The following CREB3L1 variants were observed in gnomAD, a reference collection of about 807,000 sequenced individuals.
CREB3L1 encodes cyclic AMP-responsive element-binding protein 3-like protein 1.
Under a neutral mutation model 54.5 loss-of-function variants are expected in CREB3L1, and 33 were observed. That is an observed-to-expected ratio of 0.61 (90% CI 0.46 to 0.81). The LOEUF is 0.81. Among genes scored for constraint, CREB3L1 ranks in the 30% least tolerant of loss-of-function variants. The pLI is 0.00. For missense variants in CREB3L1, 656 were observed against 673.3 expected, an observed-to-expected ratio of 0.97 and a Z score of 0.29; for synonymous variants, 284 against 286.4, an observed-to-expected ratio of 0.99 and a Z score of 0.08.
intron 1 of CREB3L1, among the ~76,000 whole-genome samples, chr11:46,279,453 C>T (rs1268309789): frequency 2.0e-5 from 3 of 152,138 alleles, no homozygotes; most frequent in Non-Finnish European, 4.4e-5. Flanking sequence ...AGGCCCCTGT[C>T]CCAGGCAGAG....
chr11:46,311,297 C>T, intron 5 of CREB3L1, 108 bp downstream of exon 5: 1 of 1,329,154 alleles, frequency 7.5e-7, no homozygotes, highest in South Asian at 1.8e-5. Flanking sequence ...TGATCCCCAC[C>T]CTCATCAGAA....
At chr11:46,299,183 G>A (rs1214523027) in intron 1 of CREB3L1, among the ~76,000 whole-genome samples, 8 of 150,410 alleles carry the variant, frequency 5.3e-5, no homozygotes, top group African/African-American at 9.8e-5. Flanking sequence ...AATTCTGGTC[G>A]TGACCCACTA....
rs755341231 is a variant in CREB3L1, at chr11:46,317,465, C to T, written c.1236C>T (p.Asp412=). The T allele has an allele frequency of 7.4e-6, 12 of 1,611,398 alleles. No homozygotes were observed. Among genetic ancestry groups the T allele is most frequent in the Middle Eastern group, 1.6e-4 (1 of 6,062 alleles). Residue 412 remains aspartate (D), a synonymous_variant, in exon 10 of 12, where the codon GAC becomes GAT. Coordinates refer to ENST00000621158, the MANE Select transcript of CREB3L1 (RefSeq NM_052854.4). The stretch of plus-strand genomic sequence containing the variant: ...TGAAGGAAGACCCCCTGGCCGCAGA[C>T]GGCGTCTACACGGCCAGCCAGAGTG... ...QTVKEDPLAA[D]GVYTASQMPS...
At chr11:46,296,810 C>T (rs768328450) in intron 1 of CREB3L1, among the ~76,000 whole-genome samples, 3 of 152,162 alleles carry the variant, frequency 2.0e-5, no homozygotes. Context: ...AAGCTCCATC[C>T]TGCTGGGTTT....
chr11:46,312,392 GC>G lies in CREB3L1; in HGVS notation c.822del (p.Tyr275ThrfsTer17). 1 of 1,613,682 alleles carries G rather than the reference GC, an allele frequency of 6.2e-7. No individual in the cohort carries two copies. The highest frequency in any genetic ancestry group is 8.5e-7 in the Non-Finnish European group (1 of 1,179,752). ...GAGAAGCGGACCCTGATTGCTGAGGGCTACCCCATCCCCACAAAACTCCCCC... is the reference window on the plus strand; with the variant it reads ...GAGAAGCGGACCCTGATTGCTGAGGGTACCCCATCCCCACAAAACTCCCCC... ...EEEKRTLIAE[G>X]YPIPTKLPLT... On this transcript the variant is annotated frameshift_variant, in exon 6 of 12. Transcript: ENST00000621158. LOFTEE classifies it high-confidence loss of function.
intron 1 of CREB3L1, among the ~76,000 whole-genome samples, chr11:46,299,164 T>C (rs1297031546): frequency 6.6e-6 from 1 of 152,194 alleles, no homozygotes; most frequent in Non-Finnish European, 1.5e-5. Context: ...CTGTTTTATT[T>C]TTACTTAAAA....
At chr11:46,308,984 G>T (rs1440472219) in intron 3 of CREB3L1, among the ~76,000 whole-genome samples, 1 of 152,228 alleles carries the variant, frequency 6.6e-6, no homozygotes, top group African/African-American at 2.4e-5. Context: ...TAAGTAATTT[G>T]CCCAAAATCA....
At position 46,277,794 on chromosome 11, in the gene CREB3L1, C is replaced by G. The variant is rs1350298460; in HGVS notation, c.-318C>G. ...CCCTGTCCGGGGGGCTCCTGAAGCC[C>G]TCAGCCCCAACCCCGGGCTCCCCAT... On this transcript the variant is annotated 5_prime_UTR_variant, in exon 1 of 12. Transcript: ENST00000621158. The G allele has an allele frequency of 7.1e-6, 2 of 282,266 alleles. No individual in the cohort carries two copies. The highest frequency in any genetic ancestry group is 1.3e-5 in the Non-Finnish European group (2 of 151,008). The allele number at this position is 282,266 out of a possible 1,614,324, so 17.5% of individuals were successfully genotyped here. A position where few individuals can be genotyped will look rare whatever the true frequency, so the allele number is the denominator to read the frequency against.
intron 1 of CREB3L1, among the ~76,000 whole-genome samples, chr11:46,287,003 GCAGA>G (rs1303686065): frequency 1.3e-5 from 2 of 152,140 alleles, no homozygotes; most frequent in Admixed American, 6.6e-5. Context: ...CTCAACGTGT[GCAGA>G]CAGTGGGTCC....
chr11:46,300,860 C>T (rs533254588), intron 2 of CREB3L1, among the ~76,000 whole-genome samples: 1 of 152,122 alleles, frequency 6.6e-6, no homozygotes, highest in Admixed American at 6.5e-5. Context: ...TAAAAATTAC[C>T]CGGGGGTGGT....
chr11:46,300,832 C>T (rs1939286999), intron 2 of CREB3L1, among the ~76,000 whole-genome samples: 1 of 151,928 alleles, frequency 6.6e-6, no homozygotes, highest in African/African-American at 2.4e-5. Flanking sequence ...AGTGAAACCC[C>T]GTCTCTACTA....
chr11:46,308,541 C>T (rs146507366), intron 3 of CREB3L1, among the ~76,000 whole-genome samples: 352 of 152,380 alleles, frequency 2.3e-3, no homozygotes, highest in African/African-American at 8.1e-3. Flanking sequence ...CCCCAGACCC[C>T]TGGCTCCTAG....
chr11:46,297,104 C>A (rs1939221627), intron 1 of CREB3L1, among the ~76,000 whole-genome samples: 1 of 152,228 alleles, frequency 6.6e-6, no homozygotes. Context: ...AGCCCCCTCC[C>A]ACTGGGCCCA....
chr11:46,290,056 T>A (rs1172477783), intron 1 of CREB3L1, among the ~76,000 whole-genome samples: 1 of 152,170 alleles, frequency 6.6e-6, no homozygotes, highest in African/African-American at 2.4e-5. Flanking sequence ...TCCTCTGATT[T>A]CTACTATTCA....
intron 11 of CREB3L1, 79 bp downstream of exon 11, chr11:46,320,607 C>A (rs1939636436): frequency 1.3e-6 from 2 of 1,546,640 alleles, no homozygotes; most frequent in East Asian, 2.4e-5. Flanking sequence ...CCACATTGGC[C>A]ACACCCTCCC....
At chr11:46,300,333 G>A (rs1262132862) in intron 2 of CREB3L1, among the ~76,000 whole-genome samples, 170 bp downstream of exon 2, 1 of 152,220 alleles carries the variant, frequency 6.6e-6, no homozygotes, top group Non-Finnish European at 1.5e-5. Flanking sequence ...TTCTCCCTCA[G>A]CTCAAAGCCA....
Position 46,320,727 on chromosome 11 carries a change from C to A in CREB3L1, c.1541C>A (p.Thr514Asn), listed in dbSNP as rs192656420. 364 of 1,612,380 alleles carry A rather than the reference C, an allele frequency of 2.3e-4. 4 individuals carry two copies. The Admixed American group carries it at 6.0e-3, about 26-fold the overall frequency. Residue 514 changes from threonine to asparagine, a missense_variant, in exon 12 of 12, where the codon ACC (threonine) becomes AAC (asparagine). Transcript: ENST00000621158. The part of the protein sequence containing the change: ...WFHDRDLGPN[T>N]TIKLS ...CTCTCCAGGGATCTGGGCCCCAACA[C>A]CACCATCAAACTCTCCTAGGCCATG...
intron 1 of CREB3L1, among the ~76,000 whole-genome samples, chr11:46,290,592 C>A (rs941723142): frequency 6.6e-6 from 1 of 151,924 alleles, no homozygotes; most frequent in African/African-American, 2.4e-5. Flanking sequence ...CCTTCCACCC[C>A]ACAAGTTCAG....
Position 46,278,285 on chromosome 11 carries a change from A to T in CREB3L1, c.102+72A>T. 1 of 934,882 alleles carries T rather than the reference A, an allele frequency of 1.1e-6. No homozygotes were observed. Among genetic ancestry groups the T allele is most frequent in the Non-Finnish European group, 1.6e-6 (1 of 613,866 alleles). The allele number at this position is 934,882 out of a possible 1,614,324, so 57.9% of individuals were successfully genotyped here. On this transcript the variant is annotated intron_variant, in intron 1 of 11. Transcript: ENST00000621158. This position sits in a 1 kb window ranked among gnomAD's most constrained non-coding sequence, Gnocchi z 4.2. Reference sequence around the variant, plus strand: ...CTCGCGGCGCGCCTGGGCCCCTAGAAGGACCCGACTACACATCACTGGGCA... The same window carrying T: ...CTCGCGGCGCGCCTGGGCCCCTAGATGGACCCGACTACACATCACTGGGCA...
Sources: allele counts gnomAD v4.1 joint callset (sites outside exome capture counted in the v4.1 genomes callset), GRCh38; gene constraint gnomAD v4.1.1; non-coding constraint Gnocchi (gnomAD v3.1); transcripts MANE v1.5; gene names NCBI Gene and HGNC (gene_info 2026-07-23, HGNC 2026-07-21).